The following HDAC4 variants were observed in gnomAD, a reference collection of about 807,000 sequenced individuals.
The protein encoded by HDAC4 is histone deacetylase A.
A neutral mutation model predicts 135.1 loss-of-function variants in HDAC4; 16 were observed. The observed-to-expected ratio is 0.12, with a 90% CI of 0.08 to 0.18. HDAC4 has a LOEUF of 0.18. Ranked by LOEUF, HDAC4 falls within the 10% of genes least tolerant of loss-of-function variation. HDAC4 has a pLI of 1.00. For synonymous variants in HDAC4, 685 were observed against 653.4 expected (o/e 1.05, Z -0.74); for missense variants, 1,143 against 1,511.8 (o/e 0.76, Z 4.05).
intron 17 of HDAC4, chr2:239,094,796 G>A: frequency 2.8e-6 from 4 of 1,426,980 alleles, no homozygotes; most frequent in Non-Finnish European, 3.7e-6. Flanking sequence ...CCAGCCACCT[G>A]CGCCAGACAA....
chr2:239,169,471 T>C (rs1363276636), intron 5 of HDAC4, among the ~76,000 whole-genome samples: 1 of 152,186 alleles, frequency 6.6e-6, no homozygotes, highest in Non-Finnish European at 1.5e-5. Context: ...CTTTCTAAAG[T>C]GGAAAGCAAC....
intron 5 of HDAC4, among the ~76,000 whole-genome samples, chr2:239,165,156 C>T (rs1204702397): frequency 6.6e-6 from 1 of 152,066 alleles, no homozygotes; most frequent in African/African-American, 2.4e-5. Flanking sequence ...CCGGGAAGTC[C>T]AGGCTACAGT....
At chr2:239,096,868 A>G (rs2037149182) in intron 16 of HDAC4, among the ~76,000 whole-genome samples, 1 of 152,022 alleles carries the variant, frequency 6.6e-6, no homozygotes, top group Non-Finnish European at 1.5e-5. Flanking sequence ...ACAGATCTGC[A>G]TCAAGGCCGG....
intron 2 of HDAC4, among the ~76,000 whole-genome samples, chr2:239,273,592 G>C (rs1217821756): frequency 1.3e-5 from 2 of 152,164 alleles, no homozygotes; most frequent in African/African-American, 4.8e-5. Context: ...TCACCCAGCA[G>C]AACGCCCACG....
chr2:239,206,715 C>A (rs532753510), intron 3 of HDAC4, among the ~76,000 whole-genome samples: 1 of 151,526 alleles, frequency 6.6e-6, no homozygotes, highest in Non-Finnish European at 1.5e-5. Flanking sequence ...CTGAGGACTT[C>A]ATGACAGGTG....
chr2:239,055,291 T>G (rs147194935), intron 24 of HDAC4: 2 of 237,924 alleles, frequency 8.4e-6, no homozygotes, highest in African/African-American at 2.3e-5. Flanking sequence ...ATGGAAGAAG[T>G]AGTCAGATCT....
At chr2:239,368,091 G>C (rs936038315) in intron 1 of HDAC4, among the ~76,000 whole-genome samples, 1 of 152,196 alleles carries the variant, frequency 6.6e-6, no homozygotes, top group Non-Finnish European at 1.5e-5. Flanking sequence ...CTGAGAGCCT[G>C]AACACTTCTG....
chr2:239,100,739 A>C (rs938199255), intron 16 of HDAC4, among the ~76,000 whole-genome samples: 3 of 152,120 alleles, frequency 2.0e-5, no homozygotes, highest in African/African-American at 4.8e-5. Context: ...GGGCTGGTCA[A>C]ATCCACAGAG....
intron 8 of HDAC4, chr2:239,140,869 C>G (rs1479836234): frequency 2.3e-6 from 1 of 433,108 alleles, no homozygotes; most frequent in Non-Finnish European, 4.9e-6. Flanking sequence ...CCCACTCATG[C>G]TGACTCACGT....
At position 239,299,060 on chromosome 2, in the gene HDAC4, G is replaced by A. The variant is rs536828881; in HGVS notation, c.22+53618C>T. Among the ~76,000 whole-genome samples, 10 of 152,018 alleles carry A rather than the reference G, an allele frequency of 6.6e-5. No individual in the cohort carries two copies. The highest frequency in any genetic ancestry group is 2.4e-4 in the African/African-American group (10 of 41,450). The stretch of plus-strand genomic sequence containing the variant: ...ATTTTTTGTATTTTTAGTAGAGACG[G>A]GGTTTCATGTTAGCCAGGATGGTCT... On this transcript the variant is annotated intron_variant, in intron 2 of 26. Transcript: ENST00000543185. The surrounding 1 kb of genome is among the most constrained non-coding windows in gnomAD (Gnocchi z 4.0).
chr2:239,255,499 TC>T (rs750666081), intron 2 of HDAC4, among the ~76,000 whole-genome samples: 1 of 152,232 alleles, frequency 6.6e-6, no homozygotes, highest in Non-Finnish European at 1.5e-5. Context: ...CGTCATTTTT[TC>T]TTTGCTCTGA....
chr2:239,222,103 G>A (rs901215093), intron 3 of HDAC4, among the ~76,000 whole-genome samples: 7 of 152,256 alleles, frequency 4.6e-5, no homozygotes, highest in Non-Finnish European at 7.4e-5. Flanking sequence ...CTGTGCCAGC[G>A]CAAGGCCAGA....
Position 239,050,019 on chromosome 2 carries a change from A to C in HDAC4, c.*3078T>G, listed in dbSNP as rs941085049. ...AAGGACCCACAGGGAGAACACATGAAGGAACCCTCCCTGACGTGGTCCCGC... is the reference window on the plus strand; with the variant it reads ...AAGGACCCACAGGGAGAACACATGACGGAACCCTCCCTGACGTGGTCCCGC... On this transcript the variant is annotated 3_prime_UTR_variant, in exon 27 of 27. Coordinates refer to ENST00000543185, the MANE Select transcript of HDAC4 (RefSeq NM_001378414.1). 4 of 152,650 alleles carry C rather than the reference A, an allele frequency of 2.6e-5. No homozygotes were observed. Among genetic ancestry groups the C allele is most frequent in the Non-Finnish European group, 4.4e-5 (3 of 68,074 alleles). The allele number at this position is 152,650 out of a possible 1,614,324, so 9.5% of individuals were successfully genotyped here.
intron 19 of HDAC4, among the ~76,000 whole-genome samples, chr2:239,084,463 G>GCACACA (rs1186195382): frequency 6.8e-6 from 1 of 146,836 alleles, no homozygotes; most frequent in African/African-American, 2.5e-5. Flanking sequence ...ACGCGTGCGC[G>GCACACA]CGCACACACA....
Position 239,139,929 on chromosome 2 carries a change from A to C in HDAC4, c.866-133T>G, listed in dbSNP as rs575452293. On this transcript the variant is annotated intron_variant, in intron 8 of 26. Coordinates refer to ENST00000543185, the MANE Select transcript of HDAC4 (RefSeq NM_001378414.1). The surrounding 1 kb of genome is among the most constrained non-coding windows in gnomAD (Gnocchi z 5.3). ...GCGACAGGCAGAAGTCCCAACAAAA[A>C]GAACATGGCCATGGTTTCAAAAAAG... is the stretch of plus-strand genomic sequence containing the variant. 1.7e-4 allele frequency: 111 copies of C among 665,278 alleles called. 1 individual carries two copies. In the Admixed American group the frequency reaches 2.3e-3, roughly 14 times the overall value. The allele number at this position is 665,278 out of a possible 1,614,324, so 41.2% of individuals were successfully genotyped here.
At position 239,240,244 on chromosome 2, in the gene HDAC4, G is replaced by A. The variant is rs1220244393; in HGVS notation, c.23-3580C>T. 2.6e-5 allele frequency among the ~76,000 whole-genome samples: 4 copies of A among 152,372 alleles called. No homozygotes were observed. Among genetic ancestry groups the A allele is most frequent in the East Asian group, 1.9e-4 (1 of 5,184 alleles). ...GCTTTGGAACGGACCTAAACAAAGC[G>A]TGGCCAGTGGGGCAAAGAACGTCTG... On this transcript the variant is annotated intron_variant, in intron 2 of 26. Transcript: ENST00000543185. The surrounding 1 kb of genome is among the most constrained non-coding windows in gnomAD (Gnocchi z 4.5).
intron 2 of HDAC4, among the ~76,000 whole-genome samples, chr2:239,247,629 C>T (rs2048542999): frequency 6.6e-6 from 1 of 152,236 alleles, no homozygotes; most frequent in East Asian, 1.9e-4. Context: ...ATATTTTCCA[C>T]ACTGCTGAAC....
intron 3 of HDAC4, among the ~76,000 whole-genome samples, chr2:239,215,008 G>A (rs764697103): frequency 7.2e-5 from 11 of 152,208 alleles, no homozygotes; most frequent in Non-Finnish European, 1.3e-4. Flanking sequence ...TCGACGGCAA[G>A]CAGGCTCTAG....
chr2:239,274,688 C>CCCA (rs2050250065), intron 2 of HDAC4, among the ~76,000 whole-genome samples: 1 of 152,224 alleles, frequency 6.6e-6, no homozygotes, highest in Non-Finnish European at 1.5e-5. Flanking sequence ...CCCTCCACGG[C>CCCA]GGGGCTCTCT....
Sources: gnomAD v4.1 joint callset for allele counts (sites outside exome capture counted in the v4.1 genomes callset) on GRCh38, gnomAD v4.1.1 for gene constraint, Gnocchi (gnomAD v3.1) non-coding constraint, MANE v1.5 for transcripts, NCBI Gene and HGNC (gene_info 2026-07-23, HGNC 2026-07-21) for gene names.